MROH2B: variants seen among roughly 807,000 people sequenced by gnomAD.
The protein encoded by MROH2B is maestro heat like repeat family member 2B.
MROH2B carries 177 observed loss-of-function variants against 208.6 expected under a neutral mutation model. That is an observed-to-expected ratio of 0.85 (90% confidence interval 0.75 to 0.96). The LOEUF (loss-of-function observed/expected upper bound fraction) is 0.96. Among genes scored for constraint, MROH2B ranks in the 40% least tolerant of loss-of-function variants. MROH2B has a pLI of 0.00. For missense variants in MROH2B, 2,002 were observed against 1,878.7 expected (o/e 1.07, Z -1.21); for synonymous variants, 728 against 659.0 (o/e 1.10, Z -1.60).
chr5:41,012,480 C>A (rs1323007961), intron 30 of MROH2B, 103 bp downstream of exon 30: 11 of 1,288,278 alleles, frequency 8.5e-6, no homozygotes, highest in Non-Finnish European at 9.5e-6. Context: ...TTGTGCAAGC[C>A]TTTGCATGCT....
rs1022554546 is a variant in MROH2B, at chr5:41,032,583, C to T, written c.2441+159G>A. Reference sequence around the variant, plus strand: ...CAATTTCTCAGCCAGATCCATAACTCTTTGGAAGGAGAAAAAGCCCCAGTT... The same window carrying T: ...CAATTTCTCAGCCAGATCCATAACTTTTTGGAAGGAGAAAAAGCCCCAGTT... On this transcript the variant is annotated intron_variant, in intron 24 of 41. Transcript: ENST00000399564. 3.9e-5 allele frequency among the ~76,000 whole-genome samples: 6 copies of T among 152,166 alleles called. No individual in the cohort carries two copies. The East Asian group carries it at 5.8e-4, about 15-fold the overall frequency.
intron 24 of MROH2B, among the ~76,000 whole-genome samples, chr5:41,030,778 T>C (rs1051887006): frequency 2.0e-5 from 3 of 152,104 alleles, no homozygotes; most frequent in African/African-American, 7.2e-5. Context: ...CTTAGACTGA[T>C]GGAACAGAAT....
intron 24 of MROH2B, among the ~76,000 whole-genome samples, chr5:41,022,832 C>A (rs1395343103): frequency 1.3e-5 from 2 of 152,192 alleles, no homozygotes. Context: ...TCAGGTACGC[C>A]TCTGAGACGA....
chr5:41,026,887 A>T (rs919543084), intron 24 of MROH2B, among the ~76,000 whole-genome samples: 1 of 152,212 alleles, frequency 6.6e-6, no homozygotes, highest in Non-Finnish European at 1.5e-5. Flanking sequence ...AATACCACAC[A>T]TTTAGAACCA....
chr5:41,070,639 T>A (rs1743959367), intron 1 of MROH2B, among the ~76,000 whole-genome samples, 186 bp downstream of exon 1: 1 of 152,126 alleles, frequency 6.6e-6, no homozygotes, highest in African/African-American at 2.4e-5. Context: ...AGGCTTCCAG[T>A]CTATTATTGG....
chr5:41,066,509 A>G (rs550415028), intron 3 of MROH2B, among the ~76,000 whole-genome samples: 1 of 152,312 alleles, frequency 6.6e-6, no homozygotes, highest in East Asian at 1.9e-4. Flanking sequence ...GTCTTTTGGG[A>G]TAAGACACCA....
intron 12 of MROH2B, 108 bp downstream of exon 12, chr5:41,052,357 T>C (rs948186630): frequency 4.7e-6 from 5 of 1,065,324 alleles, no homozygotes; most frequent in Middle Eastern, 2.2e-4. Context: ...TATTTTTTAC[T>C]CTACTCCTGT....
intron 24 of MROH2B, among the ~76,000 whole-genome samples, chr5:41,030,783 C>G (rs1194475240): frequency 1.3e-5 from 2 of 151,984 alleles, no homozygotes; most frequent in Non-Finnish European, 2.9e-5. Flanking sequence ...ACTGATGGAA[C>G]AGAATAGAGA....
chr5:41,032,682 A>G (rs1218597447), intron 24 of MROH2B, 60 bp downstream of exon 24: 37 of 1,379,962 alleles, frequency 2.7e-5, no homozygotes, highest in Non-Finnish European at 3.7e-5. Context: ...ATGTTAGTTG[A>G]TCAGGAGGAG....
chr5:41,015,661 A>G (rs1369416037), intron 28 of MROH2B, among the ~76,000 whole-genome samples, 183 bp from the exon 29 acceptor site: 3 of 152,154 alleles, frequency 2.0e-5, no homozygotes, highest in African/African-American at 7.2e-5. Flanking sequence ...GCATACAATA[A>G]TCTCATTTAT....
At chr5:41,029,262 C>T (rs574023876) in intron 24 of MROH2B, among the ~76,000 whole-genome samples, 2 of 152,196 alleles carry the variant, frequency 1.3e-5, no homozygotes, top group East Asian at 1.9e-4. Flanking sequence ...TAGCCATTTG[C>T]ATATCTTCTT....
Position 41,051,110 on chromosome 5 carries a change from G to C in MROH2B, c.1231-20C>G, listed in dbSNP as rs776188266. 38 of 1,489,558 alleles carry C rather than the reference G, an allele frequency of 2.6e-5. No homozygotes were observed. In the South Asian group the frequency reaches 4.4e-4, roughly 17 times the overall value. The allele number at this position is 1,489,558 out of a possible 1,614,324, so 92.3% of individuals were successfully genotyped here. ...TTTCTCCTTTAAGAAAGATCAAACA[G>C]GTGACTTGTTAATGACTCCTAAGGT... On this transcript the variant is annotated intron_variant, in intron 12 of 41. Coordinates refer to ENST00000399564, the MANE Select transcript of MROH2B (RefSeq NM_173489.5).
chr5:41,018,926 AG>A lies in MROH2B; in HGVS notation c.2533del (p.Leu845Ter), dbSNP rs754983322. 11 of 1,613,878 alleles carry A rather than the reference AG, an allele frequency of 6.8e-6. No individual in the cohort carries two copies. In the Admixed American group the frequency reaches 1.5e-4, roughly 22 times the overall value. ...RLLPLPPLEN[L>X]KSEGQTDKDK... The stretch of plus-strand genomic sequence containing the variant: ...CTTGTCTGTCTGGCCTTCACTTTTC[AG>A]ATTTTCCAGAGGTGGAAGGGGCAGC... On this transcript the variant is annotated frameshift_variant, in exon 25 of 42. Coordinates refer to ENST00000399564, the MANE Select transcript of MROH2B (RefSeq NM_173489.5). LOFTEE classifies it high-confidence loss of function.
At chr5:41,012,517 TG>T in intron 30 of MROH2B, 65 bp downstream of exon 30, 1 of 1,532,072 alleles carries the variant, frequency 6.5e-7, no homozygotes. Flanking sequence ...ACAGAGAAAG[TG>T]GCTGACTTGG....
chr5:41,033,849 C>T lies in MROH2B; in HGVS notation c.2230G>A (p.Val744Met). 1 of 1,545,638 alleles carries T rather than the reference C, an allele frequency of 6.5e-7. No homozygotes were observed. The highest frequency in any genetic ancestry group is 8.8e-7 in the Non-Finnish European group (1 of 1,142,452). The change falls in exon 22 of 42, where the codon GTG becomes ATG. Residue 744 changes from valine to methionine, a missense_variant. Transcript: ENST00000399564. ...GQCSQVLGMS[V>M]MNKDMDLQMS... ...TCTATCTCTCCTACCTTGTTCATCA[C>T]AGACATGCCCAGAACCTAAAAAAAA...
chr5:41,053,320 C>A (rs1052185737), intron 11 of MROH2B, among the ~76,000 whole-genome samples: 1 of 152,092 alleles, frequency 6.6e-6, no homozygotes, highest in Admixed American at 6.6e-5. Flanking sequence ...AATTTTCTTG[C>A]AGAAATATTC....
rs765106229 is a variant in MROH2B at position 41,033,822 on chromosome 5, TATC to T, written c.2241+13_2241+15del. ...CTATCTATCTATCTATCTATCTATC[TATC>T]TATCTCTCCTACCTTGTTCATCACA... On this transcript the variant is annotated intron_variant, in intron 22 of 41. Coordinates refer to ENST00000399564, the MANE Select transcript of MROH2B (RefSeq NM_173489.5). 43 of 1,444,908 alleles carry T rather than the reference TATC, an allele frequency of 3.0e-5. No homozygotes were observed. The highest frequency in any genetic ancestry group is 3.7e-5 in the South Asian group (3 of 80,514). 89.5% of individuals were successfully genotyped at this position (1,444,908 alleles called of 1,614,324 possible). A position where few individuals can be genotyped will look rare whatever the true frequency, so the allele number is the denominator to read the frequency against.
In MROH2B at chr5:41,012,717, G is replaced by A. The variant is rs1443167589; in HGVS notation, c.3001C>T (p.Pro1001Ser). 1 of 1,613,426 alleles carries A rather than the reference G, an allele frequency of 6.2e-7. No individual in the cohort carries two copies. Among genetic ancestry groups the A allele is most frequent in the Non-Finnish European group, 8.5e-7 (1 of 1,179,708 alleles). The change falls in exon 30 of 42, where the codon CCA (proline) becomes TCA (serine). Residue 1001 changes from proline (P) to serine (S), a missense_variant. Physicochemically the swap from Pro to Ser is moderately conservative, Grantham distance 74. Transcript: ENST00000399564. ...AGGAACATCAGAATTTCTTCATTTG[G>A]GATGAACTTACTGACAATCTGAAAA... is the stretch of plus-strand genomic sequence containing the variant. ...KIAKIVSKFIPNEEILMFLEE... is the reference protein window; with the variant it reads ...KIAKIVSKFISNEEILMFLEE...
At chr5:41,004,646 AG>A (rs1458899941) in intron 36 of MROH2B, 118 bp from the exon 37 acceptor site, 3 of 1,513,562 alleles carry the variant, frequency 2.0e-6, no homozygotes, top group Admixed American at 2.2e-5. Flanking sequence ...GTTCAACCGA[AG>A]GACTACCACT....
Sources: gnomAD v4.1 joint callset for allele counts (sites outside exome capture counted in the v4.1 genomes callset) on GRCh38, gnomAD v4.1.1 for gene constraint, MANE v1.5 for transcripts, NCBI Gene and HGNC (gene_info 2026-07-23, HGNC 2026-07-21) for gene names.